SCN9A: variants seen among roughly 807,000 people sequenced by gnomAD.
SCN9A encodes the protein sodium voltage-gated channel alpha subunit 9.
Under a neutral mutation model 187.0 loss-of-function variants are expected in SCN9A, and 131 were observed. That is an observed-to-expected ratio of 0.70 (90% CI 0.61 to 0.81). The LOEUF is 0.81. Ranked by LOEUF, SCN9A falls within the 30% of genes least tolerant of loss-of-function variation. The pLI is 0.00. For synonymous variants in SCN9A, 809 were observed against 808.6 expected, an observed-to-expected ratio of 1.00 and a Z score of -0.01; for missense variants, 2,252 against 2,396.6, an observed-to-expected ratio of 0.94 and a Z score of 1.26.
intron 24 of SCN9A, among the ~76,000 whole-genome samples, chr2:166,208,578 CATT>C (rs1393588492): frequency 1.3e-5 from 2 of 151,958 alleles, no homozygotes; most frequent in Non-Finnish European, 2.9e-5. Flanking sequence ...AACTTGAACT[CATT>C]AATGACTTTT....
intron 7 of SCN9A, 109 bp from the exon 8 acceptor site, chr2:166,294,771 G>A (rs1698226872): frequency 4.9e-6 from 3 of 611,660 alleles, no homozygotes; most frequent in Non-Finnish European, 8.1e-6. Context: ...TTCAGGCCTG[G>A]TCCCAGGCAA....
intron 1 of SCN9A, among the ~76,000 whole-genome samples, chr2:166,313,062 TTTAA>T (rs1186083950): frequency 3.4e-5 from 5 of 148,932 alleles, no homozygotes; most frequent in African/African-American, 1.2e-4. Context: ...AATATAATTA[TTTAA>T]TTTTCTGAAT....
At chr2:166,309,547 T>C (rs545955340) in intron 2 of SCN9A, among the ~76,000 whole-genome samples, 4 of 152,102 alleles carry the variant, frequency 2.6e-5, no homozygotes, top group Non-Finnish European at 5.9e-5. Flanking sequence ...TTACAAGGGA[T>C]GTGAAGGACC....
At chr2:166,275,428 T>C (rs1415109360) in intron 16 of SCN9A, among the ~76,000 whole-genome samples, 1 of 151,746 alleles carries the variant, frequency 6.6e-6, no homozygotes, top group African/African-American at 2.4e-5. Flanking sequence ...CTACTAAAAA[T>C]ACAAAAATTA....
intron 17 of SCN9A, among the ~76,000 whole-genome samples, chr2:166,271,310 T>C (rs1470104894): frequency 6.6e-6 from 1 of 152,150 alleles, no homozygotes; most frequent in African/African-American, 2.4e-5. Context: ...TGTATTAACG[T>C]GTTAATTCAT....
At chr2:166,257,451 A>T (rs188692856) in intron 17 of SCN9A, among the ~76,000 whole-genome samples, 21 of 151,838 alleles carry the variant, frequency 1.4e-4, no homozygotes, top group African/African-American at 5.1e-4. Flanking sequence ...ATTTTAATGA[A>T]TGGAATAATT....
At chr2:166,290,194 G>T (rs1697980831) in intron 9 of SCN9A, among the ~76,000 whole-genome samples, 1 of 151,634 alleles carries the variant, frequency 6.6e-6, no homozygotes, top group African/African-American at 2.4e-5. Flanking sequence ...GTATTAGTTT[G>T]CTGAGGATGA....
intron 1 of SCN9A, among the ~76,000 whole-genome samples, chr2:166,326,768 G>A (rs1699373589): frequency 6.6e-6 from 1 of 152,252 alleles, no homozygotes; most frequent in African/African-American, 2.4e-5. Context: ...CATAGTTATT[G>A]TGAACTTTTC....
chr2:166,250,179 CATGA>C (rs1024535347), intron 18 of SCN9A, among the ~76,000 whole-genome samples: 1 of 151,998 alleles, frequency 6.6e-6, no homozygotes, highest in Non-Finnish European at 1.5e-5. Flanking sequence ...TTGCTTAACC[CATGA>C]ATGTTATAAG....
At chr2:166,283,021 A>G (rs1018536835) in intron 12 of SCN9A, among the ~76,000 whole-genome samples, 4 of 152,066 alleles carry the variant, frequency 2.6e-5, no homozygotes, top group African/African-American at 9.7e-5. Flanking sequence ...TTTCCATTGT[A>G]TCTTATAAGT....
At chr2:166,244,621 T>C (rs896531613) in intron 18 of SCN9A, among the ~76,000 whole-genome samples, 1 of 151,932 alleles carries the variant, frequency 6.6e-6, no homozygotes, top group Non-Finnish European at 1.5e-5. Flanking sequence ...CGGTGGTCTA[T>C]TCTCTCTGGA....
intron 14 of SCN9A, among the ~76,000 whole-genome samples, chr2:166,279,039 G>C (rs1024695585): frequency 1.3e-5 from 2 of 152,148 alleles, no homozygotes; most frequent in Non-Finnish European, 2.9e-5. Flanking sequence ...AGATTGGCAG[G>C]GAGCAGCTGG....
chr2:166,349,108 C>G (rs550504055), intron 1 of SCN9A, among the ~76,000 whole-genome samples: 1 of 150,018 alleles, frequency 6.7e-6, no homozygotes, highest in Non-Finnish European at 1.5e-5. Flanking sequence ...GGATGGGCAA[C>G]AAGAGCAAAA....
chr2:166,244,107 G>T (rs1013584449), intron 18 of SCN9A, among the ~76,000 whole-genome samples: 1 of 152,020 alleles, frequency 6.6e-6, no homozygotes, highest in Non-Finnish European at 1.5e-5. Context: ...AGCTGACTCG[G>T]CAGGTAATGA....
chr2:166,369,774 C>T, intron 1 of SCN9A, among the ~76,000 whole-genome samples: 1 of 152,174 alleles, frequency 6.6e-6, no homozygotes, highest in Middle Eastern at 3.2e-3. Flanking sequence ...CTAAAAGATA[C>T]ACTGTCTATT....
chr2:166,224,304 C>T (rs1186974372), intron 24 of SCN9A, among the ~76,000 whole-genome samples: 3 of 151,998 alleles, frequency 2.0e-5, no homozygotes, highest in African/African-American at 7.2e-5. Context: ...TAAAATGGAA[C>T]ATGAAATTTA....
Position 166,362,804 on chromosome 2 carries a change from CA to C in SCN9A, c.-51+12892del, listed in dbSNP as rs138238059. 6.7e-3 allele frequency among the ~76,000 whole-genome samples: 1,017 copies of C among 151,996 alleles called. 16 individuals are homozygous for C. Among genetic ancestry groups the C allele is most frequent in the Non-Finnish European group, 7.4e-3 (499 of 67,854 alleles). Reference sequence around the variant, plus strand: ...TTCTGAGATAAAGCAAGTGCATAGGCAAAAACGGTTCACAACAATTCAATGA... The same window carrying C: ...TTCTGAGATAAAGCAAGTGCATAGGCAAAACGGTTCACAACAATTCAATGA... On this transcript the variant is annotated intron_variant, in intron 1 of 26. Coordinates refer to ENST00000642356, the MANE Select transcript of SCN9A (RefSeq NM_001365536.1).
chr2:166,295,516 A>G (rs999574938), intron 7 of SCN9A, among the ~76,000 whole-genome samples: 2 of 152,154 alleles, frequency 1.3e-5, no homozygotes, highest in Non-Finnish European at 2.9e-5. Context: ...ACTGTACTCA[A>G]TATTGTAGGC....
At chr2:166,257,465 A>T (rs1696329311) in intron 17 of SCN9A, among the ~76,000 whole-genome samples, 1 of 151,712 alleles carries the variant, frequency 6.6e-6, no homozygotes, top group Admixed American at 6.6e-5. Flanking sequence ...AATAATTACT[A>T]GCTTTTTAAA....
Sources: gnomAD v4.1 joint callset for allele counts (sites outside exome capture counted in the v4.1 genomes callset) on GRCh38, gnomAD v4.1.1 for gene constraint, MANE v1.5 for transcripts, NCBI Gene and HGNC (gene_info 2026-07-23, HGNC 2026-07-21) for gene names.